Variants in KCNK1 observed in about 807,000 individuals in gnomAD.
The protein encoded by KCNK1 is potassium channel subfamily K member 1.
Under a neutral mutation model 22.2 loss-of-function variants are expected in KCNK1, and 10 were observed. The observed-to-expected ratio is 0.45, with a 90% CI of 0.28 to 0.76. KCNK1 has a LOEUF of 0.76. KCNK1 is among the 30% of genes least tolerant of loss of function. The pLI, the probability that KCNK1 is intolerant of heterozygous loss-of-function variation, is 0.14. For synonymous variants in KCNK1, 200 were observed against 186.4 expected (o/e 1.07, Z -0.60); for missense variants, 378 against 421.0 (o/e 0.90, Z 0.89).
chr1:233,626,063 A>AG (rs1558108807), intron 1 of KCNK1, among the ~76,000 whole-genome samples: 1 of 151,772 alleles, frequency 6.6e-6, no homozygotes, highest in Admixed American at 6.6e-5. Flanking sequence ...CTGGTGTAGG[A>AG]GGGCAAGGCT....
chr1:233,654,911 C>CA (rs1658263375), intron 1 of KCNK1, among the ~76,000 whole-genome samples: 1 of 152,184 alleles, frequency 6.6e-6, no homozygotes, highest in South Asian at 2.1e-4. Context: ...CTCCAATGTG[C>CA]AAAAGCTTGA....
intron 1 of KCNK1, among the ~76,000 whole-genome samples, chr1:233,619,328 C>T (rs1233709142): frequency 6.6e-6 from 1 of 152,074 alleles, no homozygotes; most frequent in African/African-American, 2.4e-5. Flanking sequence ...GGCCCCTGTT[C>T]CTGCCATTGG....
At chr1:233,649,801 A>T in intron 1 of KCNK1, 1 of 376,846 alleles carries the variant, frequency 2.7e-6, no homozygotes, top group Non-Finnish European at 5.4e-6. Context: ...TAACATATGA[A>T]TCTGGAAGTT....
chr1:233,667,789 ATT>A (rs1658526562), intron 2 of KCNK1, among the ~76,000 whole-genome samples: 1 of 151,514 alleles, frequency 6.6e-6, no homozygotes, highest in African/African-American at 2.4e-5. Flanking sequence ...CCAACTGTTA[ATT>A]AAAAAAAAAG....
chr1:233,657,509 T>C (rs898643357), intron 1 of KCNK1, among the ~76,000 whole-genome samples: 4 of 152,108 alleles, frequency 2.6e-5, no homozygotes, highest in African/African-American at 9.7e-5. Flanking sequence ...CCAAGCCATA[T>C]TGTCTGCAGG....
At chr1:233,670,014 T>C (rs1658569503) in intron 2 of KCNK1, among the ~76,000 whole-genome samples, 1 of 152,216 alleles carries the variant, frequency 6.6e-6, no homozygotes, top group South Asian at 2.1e-4. Context: ...CCCTACTTCA[T>C]ACATTTTCGA....
In KCNK1 at chr1:233,614,532, G is replaced by A. The variant is rs1196748969; in HGVS notation, c.355+6G>A. 6 of 1,564,696 alleles carry A rather than the reference G, an allele frequency of 3.8e-6. No homozygotes were observed. The highest frequency in any genetic ancestry group is 5.2e-6 in the Non-Finnish European group (6 of 1,152,728). ...CACCGTGCTCTCCACCACAGGTAGG[G>A]TATCCTGCGCGCCCCCTGGCCGCCC... On this transcript the variant is annotated splice_donor_region_variant and intron_variant, in intron 1 of 2. Coordinates refer to ENST00000366621, the MANE Select transcript of KCNK1 (RefSeq NM_002245.4).
intron 1 of KCNK1, among the ~76,000 whole-genome samples, chr1:233,618,367 C>T (rs900711556): frequency 4.7e-5 from 7 of 148,026 alleles, no homozygotes; most frequent in Non-Finnish European, 8.9e-5. Context: ...GAATTTCCCA[C>T]AGAACTTCTA....
intron 1 of KCNK1, among the ~76,000 whole-genome samples, chr1:233,632,746 G>A (rs940442791): frequency 1.3e-5 from 2 of 152,108 alleles, no homozygotes; most frequent in South Asian, 4.1e-4. Flanking sequence ...GAGGATCGTG[G>A]GTTTGGGCCT....
chr1:233,659,337 A>G (rs1037136359), intron 1 of KCNK1, among the ~76,000 whole-genome samples: 5 of 151,272 alleles, frequency 3.3e-5, no homozygotes, highest in African/African-American at 1.2e-4. Context: ...TGGAGCTGTC[A>G]TTTCCTATGA....
intron 1 of KCNK1, among the ~76,000 whole-genome samples, chr1:233,632,784 T>A (rs1657830128): frequency 6.6e-6 from 1 of 152,192 alleles, no homozygotes; most frequent in Non-Finnish European, 1.5e-5. Flanking sequence ...AGTGTGCACC[T>A]TCCTGACTGG....
In KCNK1 at chr1:233,666,747, A is replaced by G. The variant is rs1268172014; in HGVS notation, c.508A>G (p.Ile170Val). 6.2e-7 allele frequency: 1 copy of G among 1,613,894 alleles called. No homozygotes were observed. The highest frequency in any genetic ancestry group is 1.3e-5 in the African/African-American group (1 of 74,854). The change falls in exon 2 of 3, where the codon ATC becomes GTC. Residue 170 changes from isoleucine to valine, a missense_variant. Coordinates refer to ENST00000366621, the MANE Select transcript of KCNK1 (RefSeq NM_002245.4). Reference sequence around the variant, plus strand: ...CCGCAGGCCGGTCCTCTACTTCCACATCCGCTGGGGCTTCTCCAAGCAGGT... The same window carrying G: ...CCGCAGGCCGGTCCTCTACTTCCACGTCCGCTGGGGCTTCTCCAAGCAGGT... ...VTRRPVLYFH[I>V]RWGFSKQVVA... is the part of the protein sequence containing the mutation.
intron 1 of KCNK1, among the ~76,000 whole-genome samples, chr1:233,664,265 A>G (rs916213348): frequency 6.6e-6 from 1 of 152,140 alleles, no homozygotes; most frequent in African/African-American, 2.4e-5. Context: ...GTTCTGTAAT[A>G]TCAGCTGCCT....
chr1:233,618,365 C>T (rs1298018149), intron 1 of KCNK1, among the ~76,000 whole-genome samples: 1 of 149,200 alleles, frequency 6.7e-6, no homozygotes. Context: ...CAGAATTTCC[C>T]ACAGAACTTC....
Position 233,644,776 on chromosome 1 carries a change from G to A in KCNK1, c.356-21819G>A, listed in dbSNP as rs1396611495. ...GAGGGATGTGGTAAGAGGAACAGTG[G>A]TAAGATATTTGGTCAAAGAGGTTGT... is the stretch of plus-strand genomic sequence containing the variant. On this transcript the variant is annotated intron_variant, in intron 1 of 2. Coordinates refer to ENST00000366621, the MANE Select transcript of KCNK1 (RefSeq NM_002245.4). Among the ~76,000 whole-genome samples, 9 of 152,160 alleles carry A rather than the reference G, an allele frequency of 5.9e-5. No homozygotes were observed. In the South Asian group the frequency reaches 1.9e-3, roughly 32 times the overall value.
At chr1:233,617,046 C>CT (rs538754784) in intron 1 of KCNK1, among the ~76,000 whole-genome samples, 16,230 of 147,442 alleles carry the variant, frequency 0.11, 1,375 homozygotes, top group African/African-American at 0.23. Context: ...ACATGTTGTG[C>CT]TTTTTTTTTT....
intron 1 of KCNK1, among the ~76,000 whole-genome samples, chr1:233,619,696 A>G (rs598388): frequency 0.42 from 64,045 of 151,670 alleles, 14,088 homozygotes; most frequent in African/African-American, 0.55. Context: ...TGGATCACGC[A>G]GTCAGGAGTT....
chr1:233,671,217 C>A, intron 2 of KCNK1, 54 bp from the exon 3 acceptor site: 1 of 1,546,634 alleles, frequency 6.5e-7, no homozygotes, highest in African/African-American at 1.4e-5. Flanking sequence ...TCACTCGCTA[C>A]TTGATTTATC....
At chr1:233,667,662 G>A (rs1366527256) in intron 2 of KCNK1, among the ~76,000 whole-genome samples, 3 of 146,252 alleles carry the variant, frequency 2.1e-5, no homozygotes, top group South Asian at 2.2e-4. Flanking sequence ...CCCGGGAGGC[G>A]GAGCTTGCAG....
Sources: allele counts gnomAD v4.1 joint callset (sites outside exome capture counted in the v4.1 genomes callset), GRCh38; gene constraint gnomAD v4.1.1; transcripts MANE v1.5; gene names NCBI Gene and HGNC (gene_info 2026-07-23, HGNC 2026-07-21).